HIP1: variants seen among roughly 807,000 people sequenced by gnomAD.
HIP1 encodes huntingtin interacting protein 1.
HIP1 carries 65 observed loss-of-function variants against 147.6 expected under a neutral mutation model. That is an observed-to-expected ratio of 0.44 (90% confidence interval 0.36 to 0.54). The LOEUF (loss-of-function observed/expected upper bound fraction) is 0.54, where lower values mean the gene tolerates loss of function less well. Ranked by LOEUF, HIP1 falls within the 20% of genes least tolerant of loss-of-function variation. HIP1 has a pLI of 0.00. For missense variants in HIP1, 1,061 were observed against 1,299.6 expected (o/e 0.82, Z 2.82); for synonymous variants, 479 against 504.0 (o/e 0.95, Z 0.67).
intron 1 of HIP1, among the ~76,000 whole-genome samples, chr7:75,600,546 C>A (rs1290258538): frequency 6.6e-6 from 1 of 152,156 alleles, no homozygotes; most frequent in Non-Finnish European, 1.5e-5. Flanking sequence ...TGATGTCATT[C>A]TATCCCTATA....
intron 2 of HIP1, 66 bp downstream of exon 2, chr7:75,599,118 T>C: frequency 1.6e-6 from 2 of 1,244,352 alleles, no homozygotes; most frequent in Non-Finnish European, 1.2e-6. Flanking sequence ...AGCCTGGCCC[T>C]GACCTCAGTC....
At position 75,549,467 on chromosome 7, in the gene HIP1, C is replaced by T. The variant is rs1040640266; in HGVS notation, c.2296-466G>A. ...CTCACTGCAGCCTCCGCCTCCCGGG[C>T]TCAAGGGATTATCCTGCCTCAGCCT... On this transcript the variant is annotated intron_variant, in intron 22 of 30. Coordinates refer to ENST00000336926, the MANE Select transcript of HIP1 (RefSeq NM_005338.7). Among the ~76,000 whole-genome samples, 10 of 150,296 alleles carry T rather than the reference C, an allele frequency of 6.7e-5. No homozygotes were observed. The Admixed American group carries it at 6.7e-4, about 10-fold the overall frequency.
chr7:75,594,742 C>G (rs184197568), intron 2 of HIP1, among the ~76,000 whole-genome samples: 224 of 152,278 alleles, frequency 1.5e-3, no homozygotes, highest in Middle Eastern at 6.8e-3. Context: ...CCACTGCACT[C>G]CAGCCTGGGC....
rs372954823 is a variant in HIP1, at chr7:75,669,600, T to A, written c.120+69201A>T. On this transcript the variant is annotated intron_variant, in intron 1 of 30. Coordinates refer to ENST00000336926, the MANE Select transcript of HIP1 (RefSeq NM_005338.7). ...AAAACAAAACAAGAAACACCATACC[T>A]GTTAGTAGTCACTCTGTATTCATCC... 2.3e-3 allele frequency among the ~76,000 whole-genome samples: 344 copies of A among 152,108 alleles called. 1 individual carries two copies. Among genetic ancestry groups the A allele is most frequent in the African/African-American group, 6.4e-3 (264 of 41,538 alleles).
intron 1 of HIP1, among the ~76,000 whole-genome samples, chr7:75,694,225 T>C (rs1563298012): frequency 6.6e-6 from 1 of 151,860 alleles, no homozygotes; most frequent in Non-Finnish European, 1.5e-5. Flanking sequence ...GCCCCAATTC[T>C]CATTTCTTTA....
chr7:75,622,107 C>T (rs1175793741), intron 1 of HIP1, among the ~76,000 whole-genome samples: 5 of 151,664 alleles, frequency 3.3e-5, no homozygotes, highest in African/African-American at 1.2e-4. Context: ...ATGATGAAAC[C>T]CTGTCTCTAC....
intron 1 of HIP1, among the ~76,000 whole-genome samples, chr7:75,707,793 C>T (rs1554519857): frequency 7.5e-6 from 1 of 133,514 alleles, no homozygotes; most frequent in Non-Finnish European, 1.6e-5. Context: ...AGAAATAATG[C>T]CGCATATCTA....
chr7:75,555,577 G>C, intron 18 of HIP1, 26 bp from the exon 19 acceptor site: 1 of 1,613,712 alleles, frequency 6.2e-7, no homozygotes, highest in Non-Finnish European at 8.5e-7. Flanking sequence ...GGAGGTGAGA[G>C]TCTGCCCTAG....
chr7:75,659,988 T>C (rs539639301), intron 1 of HIP1, among the ~76,000 whole-genome samples: 9 of 151,734 alleles, frequency 5.9e-5, no homozygotes, highest in African/African-American at 2.2e-4. Flanking sequence ...TAGCTGGGCA[T>C]GGTGGTGCGC....
intron 7 of HIP1, among the ~76,000 whole-genome samples, chr7:75,579,940 A>C (rs978712639): frequency 6.6e-6 from 1 of 152,168 alleles, no homozygotes; most frequent in South Asian, 2.1e-4. Context: ...GCTGGTGCTT[A>C]CATCCCCCAG....
At chr7:75,669,486 C>T (rs1044335674) in intron 1 of HIP1, among the ~76,000 whole-genome samples, 2 of 152,038 alleles carry the variant, frequency 1.3e-5, no homozygotes, top group African/African-American at 2.4e-5. Context: ...CACTTGAACC[C>T]GGGAGGCAGA....
In HIP1 at chr7:75,581,372, T is replaced by C. The variant is rs1308700478; in HGVS notation, c.543-74A>G. The C allele has an allele frequency of 8.7e-6, 9 of 1,031,398 alleles. No individual in the cohort carries two copies. In the East Asian group the frequency reaches 2.2e-4, roughly 26 times the overall value. The allele number at this position is 1,031,398 out of a possible 1,614,324, so 63.9% of individuals were successfully genotyped here. On this transcript the variant is annotated intron_variant, in intron 6 of 30. Coordinates refer to ENST00000336926, the MANE Select transcript of HIP1 (RefSeq NM_005338.7). ...CTGTTACCTGTCCCCTCCCCCACGCTCTACGCTACTCCAGTCTCCAATGCT... is the reference window on the plus strand; with the variant it reads ...CTGTTACCTGTCCCCTCCCCCACGCCCTACGCTACTCCAGTCTCCAATGCT...
At position 75,568,080 on chromosome 7, in the gene HIP1, AGTTGGG is replaced by A. The variant is rs1795475678; in HGVS notation, c.803+113_803+118del. The A allele has an allele frequency of 3.7e-5, 28 of 749,770 alleles. No homozygotes were observed. In the South Asian group the frequency reaches 3.8e-4, roughly 10 times the overall value. 46.4% of individuals were successfully genotyped at this position (749,770 alleles called of 1,614,324 possible). On this transcript the variant is annotated intron_variant, in intron 9 of 30. Transcript: ENST00000336926. This position sits in a 1 kb window ranked among gnomAD's most constrained non-coding sequence, Gnocchi z 4.1. Reference sequence around the variant, plus strand: ...ATCCTCCCGCCTCAGCCTCCCAAAGAGTTGGGGTTACAGGCATGAACCACTGTGTCC... The same window carrying A: ...ATCCTCCCGCCTCAGCCTCCCAAAGAGTTACAGGCATGAACCACTGTGTCC...
intron 1 of HIP1, among the ~76,000 whole-genome samples, chr7:75,613,341 C>T (rs1464242098): frequency 2.6e-5 from 4 of 151,984 alleles, no homozygotes; most frequent in South Asian, 2.1e-4. Flanking sequence ...TTCTGTGCTC[C>T]GTGAGACTGC....
At chr7:75,672,892 C>G (rs1359431813) in intron 1 of HIP1, among the ~76,000 whole-genome samples, 1 of 152,218 alleles carries the variant, frequency 6.6e-6, no homozygotes, top group Non-Finnish European at 1.5e-5. Flanking sequence ...TATCAATTGA[C>G]CACGGATATG....
intron 1 of HIP1, among the ~76,000 whole-genome samples, chr7:75,711,132 A>G (rs1584969826): frequency 1.3e-5 from 2 of 152,322 alleles, no homozygotes; most frequent in African/African-American, 4.8e-5. Context: ...AATGTGTAAT[A>G]TAGCACATCC....
At chr7:75,610,769 G>A (rs965169891) in intron 1 of HIP1, among the ~76,000 whole-genome samples, 6 of 151,138 alleles carry the variant, frequency 4.0e-5, no homozygotes, top group Non-Finnish European at 5.9e-5. Context: ...TTGAGAGGCC[G>A]AGGCAGGAGG....
rs1554489147 is a variant in HIP1, at chr7:75,538,163, G to T, written c.*9C>A. 6.2e-7 allele frequency: 1 copy of T among 1,606,130 alleles called. No individual in the cohort carries two copies. Among genetic ancestry groups the T allele is most frequent in the Non-Finnish European group, 8.5e-7 (1 of 1,172,888 alleles). On this transcript the variant is annotated 3_prime_UTR_variant, in exon 31 of 31. Coordinates refer to ENST00000336926, the MANE Select transcript of HIP1 (RefSeq NM_005338.7). The stretch of plus-strand genomic sequence containing the variant: ...GATTTACACTGACATATGGGGTGTT[G>T]GTTTGGCTCTATTCTTTTTCGGTTA...
At chr7:75,620,712 A>C (rs1797819566) in intron 1 of HIP1, among the ~76,000 whole-genome samples, 1 of 151,880 alleles carries the variant, frequency 6.6e-6, no homozygotes, top group African/African-American at 2.4e-5. Flanking sequence ...ACAAATAAAT[A>C]AACAAAACCA....
Sources: gnomAD v4.1 joint callset for allele counts (sites outside exome capture counted in the v4.1 genomes callset) on GRCh38, gnomAD v4.1.1 for gene constraint, Gnocchi (gnomAD v3.1) non-coding constraint, MANE v1.5 for transcripts, NCBI Gene and HGNC (gene_info 2026-07-23, HGNC 2026-07-21) for gene names.